Variants in TNR observed in about 807,000 individuals in gnomAD.
TNR encodes tenascin-R.
Under a neutral mutation model 150.4 loss-of-function variants are expected in TNR, and 45 were observed. The ratio of observed to expected loss-of-function variants is 0.30; its 90% confidence interval spans 0.24 to 0.38. The LOEUF is 0.38. TNR is among the 10% of genes least tolerant of loss of function. The pLI is 1.00. For missense variants in TNR, 1,544 were observed against 1,759.1 expected, an observed-to-expected ratio of 0.88 and a Z score of 2.19; for synonymous variants, 687 against 678.4, an observed-to-expected ratio of 1.01 and a Z score of -0.20.
At chr1:175,405,972 A>G (rs1000168565) in intron 3 of TNR, among the ~76,000 whole-genome samples, 3 of 152,210 alleles carry the variant, frequency 2.0e-5, no homozygotes, top group Admixed American at 1.3e-4. Context: ...CAAACTGGCT[A>G]TGCAGTGTAG....
chr1:175,738,019 C>G (rs995048755), intron 1 of TNR, among the ~76,000 whole-genome samples: 2 of 152,308 alleles, frequency 1.3e-5, no homozygotes, highest in African/African-American at 4.8e-5. Context: ...CTCACTTAAA[C>G]TTTGGCTGTT....
chr1:175,432,071 G>C (rs1655298980), intron 2 of TNR, among the ~76,000 whole-genome samples: 2 of 152,130 alleles, frequency 1.3e-5, no homozygotes, highest in African/African-American at 4.8e-5. Flanking sequence ...GAGGGGGCCA[G>C]GGATATGGGG....
chr1:175,545,515 G>A (rs1453120377), intron 1 of TNR, among the ~76,000 whole-genome samples: 1 of 152,202 alleles, frequency 6.6e-6, no homozygotes, highest in Non-Finnish European at 1.5e-5. Flanking sequence ...GGTGGAAATG[G>A]AGAGACTGAA....
At chr1:175,603,591 T>A (rs533753478) in intron 1 of TNR, among the ~76,000 whole-genome samples, 1 of 152,166 alleles carries the variant, frequency 6.6e-6, no homozygotes, top group Non-Finnish European at 1.5e-5. Context: ...TGAGGAAGAG[T>A]GATGCTAGTG....
Position 175,330,217 on chromosome 1 carries a change from C to T in TNR, c.3650G>A (p.Arg1217Lys). The T allele has an allele frequency of 6.2e-7, 1 of 1,600,356 alleles. No homozygotes were observed. Among genetic ancestry groups the T allele is most frequent in the East Asian group, 2.2e-5 (1 of 44,550 alleles). ...CTCATAGCGGCCCTGGGATGTGATC[C>T]TGTGTATATTGTCCAGCCCTGTGGA... ...EFWLGLDNIH[R>K]ITSQGRYELR... The change falls in exon 21 of 23, where the codon AGG (arginine) becomes AAG (lysine). Residue 1217 changes from arginine (R) to lysine (K), a missense_variant. Transcript: ENST00000367674.
intron 2 of TNR, among the ~76,000 whole-genome samples, chr1:175,523,552 C>G (rs1396166350): frequency 6.6e-6 from 1 of 152,198 alleles, no homozygotes; most frequent in African/African-American, 2.4e-5. Context: ...AAGTACAATA[C>G]GTGCTCTGAG....
chr1:175,712,347 T>G (rs1052580190), intron 1 of TNR, among the ~76,000 whole-genome samples: 6 of 152,122 alleles, frequency 3.9e-5, no homozygotes, highest in African/African-American at 1.4e-4. Flanking sequence ...TGAATTGCTC[T>G]GAGGATAGCA....
chr1:175,370,178 C>G (rs897711274), intron 9 of TNR, among the ~76,000 whole-genome samples: 1 of 151,978 alleles, frequency 6.6e-6, no homozygotes, highest in South Asian at 2.1e-4. Context: ...CATCTATGAA[C>G]CTCAATTTCT....
intron 14 of TNR, among the ~76,000 whole-genome samples, chr1:175,360,157 T>C (rs886118498): frequency 3.9e-5 from 6 of 152,240 alleles, no homozygotes; most frequent in Admixed American, 6.5e-5. Context: ...TTTATAAATG[T>C]AAGGGTGTGC....
intron 1 of TNR, among the ~76,000 whole-genome samples, chr1:175,715,783 C>T (rs895940143): frequency 6.6e-6 from 1 of 152,096 alleles, no homozygotes; most frequent in South Asian, 2.1e-4. Flanking sequence ...GAGTTCATAA[C>T]CTGTGTGTGT....
chr1:175,378,754 G>A (rs753786124), intron 9 of TNR, among the ~76,000 whole-genome samples: 3 of 152,250 alleles, frequency 2.0e-5, no homozygotes, highest in Non-Finnish European at 4.4e-5. Flanking sequence ...TGGGAGGTGA[G>A]CCTGGAGAGG....
chr1:175,436,311 A>G (rs1655505143), intron 2 of TNR, among the ~76,000 whole-genome samples: 1 of 152,066 alleles, frequency 6.6e-6, no homozygotes, highest in African/African-American at 2.4e-5. Flanking sequence ...ACATAGTCCC[A>G]TATTTCTTGG....
Position 175,528,754 on chromosome 1 carries a change from A to C in TNR, c.-164-385T>G, listed in dbSNP as rs575701257. Among the ~76,000 whole-genome samples the C allele has an allele frequency of 4.6e-5, 7 of 152,052 alleles. No homozygotes were observed. In the South Asian group the frequency reaches 1.5e-3, roughly 32 times the overall value. ...GGCCTCCCATACAAACCTCCTCCCCAACCTGACCCCCTCTTATGTCCTTAA... is the reference window on the plus strand; with the variant it reads ...GGCCTCCCATACAAACCTCCTCCCCCACCTGACCCCCTCTTATGTCCTTAA... On this transcript the variant is annotated intron_variant, in intron 1 of 22. Coordinates refer to ENST00000367674, the MANE Select transcript of TNR (RefSeq NM_003285.3).
chr1:175,692,438 C>T (rs530778048), intron 1 of TNR, among the ~76,000 whole-genome samples: 3 of 152,218 alleles, frequency 2.0e-5, no homozygotes, highest in Admixed American at 6.5e-5. Flanking sequence ...TCTGCCCTAG[C>T]GATGGTTAAT....
intron 1 of TNR, among the ~76,000 whole-genome samples, chr1:175,685,036 C>T (rs536743148): frequency 9.2e-5 from 14 of 152,172 alleles, no homozygotes; most frequent in African/African-American, 3.4e-4. Context: ...TGGTTCTTCC[C>T]CTCTAAGTTA....
rs1362605757 is a variant in TNR, at chr1:175,355,533, C to T, written c.3219G>A (p.Leu1073=). The T allele has an allele frequency of 6.2e-7, 1 of 1,613,972 alleles. No homozygotes were observed. The highest frequency in any genetic ancestry group is 8.5e-7 in the Non-Finnish European group (1 of 1,179,928). ...PPRAEIENYV[L]TYKSTDGSRK... ...GGCTTCCATCGGTGGATTTGTAGGT[C>T]AAGACATAATTTTCAATCTCTGCCC... is the stretch of plus-strand genomic sequence containing the variant. Residue 1073 remains leucine (L), a synonymous_variant, in exon 17 of 23, where the codon TTG becomes TTA. Coordinates refer to ENST00000367674, the MANE Select transcript of TNR (RefSeq NM_003285.3).
intron 1 of TNR, among the ~76,000 whole-genome samples, chr1:175,735,658 TA>T (rs1667751805): frequency 6.6e-6 from 1 of 152,146 alleles, no homozygotes; most frequent in Non-Finnish European, 1.5e-5. Flanking sequence ...ACAATTACTC[TA>T]GCCCAGCCAG....
intron 2 of TNR, among the ~76,000 whole-genome samples, chr1:175,467,261 C>T (rs1335625739): frequency 2.6e-5 from 4 of 151,650 alleles, no homozygotes; most frequent in South Asian, 2.1e-4. Flanking sequence ...CAGCTTCTCG[C>T]TCTGCCCACC....
intron 19 of TNR, among the ~76,000 whole-genome samples, 153 bp downstream of exon 19, chr1:175,337,375 G>A (rs1650299254): frequency 1.3e-5 from 2 of 152,170 alleles, no homozygotes; most frequent in East Asian, 1.9e-4. Flanking sequence ...CTGAACATGG[G>A]CCTTGAGGGC....
Sources: gnomAD v4.1 joint callset for allele counts (sites outside exome capture counted in the v4.1 genomes callset) on GRCh38, gnomAD v4.1.1 for gene constraint, MANE v1.5 for transcripts, NCBI Gene and HGNC (gene_info 2026-07-23, HGNC 2026-07-21) for gene names.